MCC: variants seen among roughly 807,000 people sequenced by gnomAD.
The protein encoded by MCC is MCC regulator of Wnt signaling pathway, also known as colorectal mutant cancer protein.
MCC carries 90 observed loss-of-function variants against 116.2 expected under a neutral mutation model. The ratio of observed to expected loss-of-function variants is 0.77; its 90% CI spans 0.65 to 0.92. MCC has a LOEUF of 0.92. MCC is among the 40% of genes least tolerant of loss of function. The pLI is 0.00. For missense variants in MCC, 1,516 were observed against 1,312.2 expected (o/e 1.16, Z -2.40); for synonymous variants, 578 against 510.5 (o/e 1.13, Z -1.78).
At chr5:113,313,298 G>C (rs982366764) in intron 3 of MCC, among the ~76,000 whole-genome samples, 1 of 152,150 alleles carries the variant, frequency 6.6e-6, no homozygotes, top group African/African-American at 2.4e-5. Flanking sequence ...AGTGAGCCAA[G>C]ATGGCACCAC....
chr5:113,430,801 T>A (rs4705820), intron 1 of MCC, among the ~76,000 whole-genome samples: 45,532 of 151,950 alleles, frequency 0.3, 8,788 homozygotes, highest in African/African-American at 0.54. Flanking sequence ...GTGAAGAGAC[T>A]GCAGATGGAA....
intron 3 of MCC, among the ~76,000 whole-genome samples, chr5:113,279,478 G>T (rs1016502262): frequency 2.0e-5 from 3 of 152,000 alleles, no homozygotes; most frequent in Non-Finnish European, 4.4e-5. Context: ...CATTTCTACT[G>T]GATTAAGAAT....
At chr5:113,064,315 T>G in intron 13 of MCC, 148 bp from the exon 14 acceptor site, 1 of 693,998 alleles carries the variant, frequency 1.4e-6, no homozygotes, top group Non-Finnish European at 2.4e-6. Context: ...AGAAGATCTG[T>G]GTTCTGGGCC....
intron 5 of MCC, among the ~76,000 whole-genome samples, chr5:113,130,120 T>A (rs1252063396): frequency 2.0e-5 from 3 of 152,050 alleles, no homozygotes; most frequent in Non-Finnish European, 1.5e-5. Context: ...ATAAAAAAAA[T>A]GTGGCACATA....
rs895915574 is a variant in MCC, at chr5:113,353,620, A to G, written c.416-12890T>C. ...CCAATATAGAATTGATAACCTGTGA[A>G]AGCCTCCTTAAATATTCAATCTGGT... On this transcript the variant is annotated intron_variant, in intron 2 of 18. Transcript: ENST00000408903. Among the ~76,000 whole-genome samples, 6 of 152,168 alleles carry G rather than the reference A, an allele frequency of 3.9e-5. 1 individual carries two copies. Among genetic ancestry groups the G allele is most frequent in the Admixed American group, 3.9e-4 (6 of 15,280 alleles).
At chr5:113,445,071 G>T (rs1771169866) in intron 1 of MCC, among the ~76,000 whole-genome samples, 1 of 152,106 alleles carries the variant, frequency 6.6e-6, no homozygotes, top group African/African-American at 2.4e-5. Flanking sequence ...ATACAGCCCA[G>T]ACACTTCAAT....
rs558906685 is a variant in MCC at position 113,481,931 on chromosome 5, T to C, written c.170+6314A>G. Among the ~76,000 whole-genome samples, 14 of 152,338 alleles carry C rather than the reference T, an allele frequency of 9.2e-5. No individual in the cohort carries two copies. In the South Asian group the frequency reaches 2.9e-3, roughly 32 times the overall value. Reference sequence around the variant, plus strand: ...ATACTCTTTAGCTCTCATTCATCTATTCTTCCCATTACCCACAAACCTGAG... The same window carrying C: ...ATACTCTTTAGCTCTCATTCATCTACTCTTCCCATTACCCACAAACCTGAG... On this transcript the variant is annotated intron_variant, in intron 1 of 18. Coordinates refer to ENST00000408903, the MANE Select transcript of MCC (RefSeq NM_001085377.2).
chr5:113,406,636 T>C (rs1014661960), intron 1 of MCC, among the ~76,000 whole-genome samples: 4 of 152,188 alleles, frequency 2.6e-5, no homozygotes, highest in African/African-American at 7.2e-5. Context: ...GATCTAAATA[T>C]AGCTGGCTAT....
chr5:113,226,222 C>G (rs1054689740), intron 3 of MCC, among the ~76,000 whole-genome samples: 1 of 152,156 alleles, frequency 6.6e-6, no homozygotes, highest in African/African-American at 2.4e-5. Flanking sequence ...ACACAAGAAA[C>G]CTTTCTGGAG....
rs185030001 is a variant in MCC, at chr5:113,069,138, G to A, written c.1926-955C>T. ...TTCATATGTTCAATAGCCATACATG[G>A]CCAGTGGTTACCATATTGGGCAGTG... On this transcript the variant is annotated intron_variant, in intron 12 of 18. Transcript: ENST00000408903. 3.5e-4 allele frequency among the ~76,000 whole-genome samples: 54 copies of A among 152,316 alleles called. 2 individuals are homozygous for A. The highest frequency in any genetic ancestry group is 1.3e-3 in the African/African-American group (52 of 41,558).
intron 3 of MCC, among the ~76,000 whole-genome samples, chr5:113,307,954 T>A (rs1767028432): frequency 6.8e-6 from 1 of 146,732 alleles, no homozygotes; most frequent in African/African-American, 2.4e-5. Context: ...GAGTGTCAGC[T>A]CCATTTGCCT....
chr5:113,085,786 G>A (rs1337898087), intron 8 of MCC, among the ~76,000 whole-genome samples: 1 of 152,018 alleles, frequency 6.6e-6, no homozygotes, highest in African/African-American at 2.4e-5. Flanking sequence ...TAATCTCCTG[G>A]GCTCAAGGGA....
Position 113,079,393 on chromosome 5 carries a change from C to A in MCC, c.1784+3467G>T, listed in dbSNP as rs1684525338. ...GAACAAAGCTGGAGGCATCATGCTA[C>A]CTGACTTCAAACTATACTACAAGGC... is the stretch of plus-strand genomic sequence containing the variant. On this transcript the variant is annotated intron_variant, in intron 11 of 18. Coordinates refer to ENST00000408903, the MANE Select transcript of MCC (RefSeq NM_001085377.2). Among the ~76,000 whole-genome samples the A allele has an allele frequency of 3.3e-5, 5 of 152,198 alleles. No homozygotes were observed. The South Asian group carries it at 1.0e-3, about 32-fold the overall frequency.
At chr5:113,440,384 C>T (rs1314845223) in intron 1 of MCC, among the ~76,000 whole-genome samples, 2 of 152,092 alleles carry the variant, frequency 1.3e-5, no homozygotes, top group Non-Finnish European at 2.9e-5. Context: ...CCTCCACCCA[C>T]CCCCAGGCAG....
intron 3 of MCC, among the ~76,000 whole-genome samples, chr5:113,192,540 G>A (rs146143892): frequency 6.6e-6 from 1 of 152,206 alleles, no homozygotes; most frequent in Non-Finnish European, 1.5e-5. Context: ...AGACACACAT[G>A]CATGGGCTTT....
At chr5:113,113,271 T>A (rs1361933529) in intron 6 of MCC, among the ~76,000 whole-genome samples, 1 of 152,240 alleles carries the variant, frequency 6.6e-6, no homozygotes, top group Non-Finnish European at 1.5e-5. Flanking sequence ...GCTCTACGGC[T>A]GAAACCAGGA....
At chr5:113,159,861 TA>T (rs1760384338) in intron 3 of MCC, among the ~76,000 whole-genome samples, 3 of 152,234 alleles carry the variant, frequency 2.0e-5, no homozygotes, top group African/African-American at 2.4e-5. Context: ...TCTTGAAAGT[TA>T]AAACTCATTA....
intron 3 of MCC, among the ~76,000 whole-genome samples, chr5:113,202,298 A>G (rs1239410381): frequency 1.3e-5 from 2 of 152,112 alleles, no homozygotes; most frequent in Non-Finnish European, 2.9e-5. Flanking sequence ...CGGAGCTTCT[A>G]TAGGAAATGA....
At chr5:113,180,429 T>C (rs886538869) in intron 3 of MCC, among the ~76,000 whole-genome samples, 2 of 152,182 alleles carry the variant, frequency 1.3e-5, no homozygotes, top group African/African-American at 4.8e-5. Flanking sequence ...TTACCCCTTA[T>C]AGGCAGGATT....
Sources: allele counts gnomAD v4.1 joint callset (sites outside exome capture counted in the v4.1 genomes callset), GRCh38; gene constraint gnomAD v4.1.1; transcripts MANE v1.5; gene names NCBI Gene and HGNC (gene_info 2026-07-23, HGNC 2026-07-21).